DNAH17: variants seen among roughly 807,000 people sequenced by gnomAD.
The protein encoded by DNAH17 is dynein axonemal heavy chain 17.
Under a neutral mutation model 485.6 loss-of-function variants are expected in DNAH17, and 376 were observed. That is an observed-to-expected ratio of 0.77 (90% CI 0.71 to 0.84). The LOEUF is 0.84. Ranked by LOEUF, DNAH17 falls within the 40% of genes least tolerant of loss-of-function variation. DNAH17 has a pLI of 0.00. For synonymous variants in DNAH17, 3,031 were observed against 2,405.9 expected, an observed-to-expected ratio of 1.26 and a Z score of -7.60; for missense variants, 6,370 against 5,839.3, an observed-to-expected ratio of 1.09 and a Z score of -2.96.
intron 58 of DNAH17, among the ~76,000 whole-genome samples, chr17:78,460,978 G>A (rs636570): frequency 0.069 from 10,450 of 152,206 alleles, 491 homozygotes; most frequent in African/African-American, 0.13. Context: ...CCAGGGAGGG[G>A]TCATGAGAAG....
intron 26 of DNAH17, 62 bp from the exon 27 acceptor site, chr17:78,510,568 C>G: frequency 6.3e-7 from 1 of 1,590,408 alleles, no homozygotes. Context: ...AGTGGGCAGA[C>G]GTCATGATCC....
In DNAH17 at chr17:78,494,076, G is replaced by A; in HGVS notation, c.6368C>T (p.Ser2123Phe). 6.2e-7 allele frequency: 1 copy of A among 1,612,904 alleles called. No individual in the cohort carries two copies. Among genetic ancestry groups the A allele is most frequent in the Non-Finnish European group, 8.5e-7 (1 of 1,179,800 alleles). ...GCCCGCATTCCCGACGATGAACACGGAGTGGCGGACCTGCAGCAGCTCCTC... is the reference window on the plus strand; with the variant it reads ...GCCCGCATTCCCGACGATGAACACGAAGTGGCGGACCTGCAGCAGCTCCTC... ...QLEELLQVRH[S>F]VFIVGNAGSG... Residue 2123 changes from serine (S) to phenylalanine (F), a missense_variant, in exon 41 of 81, where the codon TCC becomes TTC. Ser to Phe is a radical substitution (Grantham distance 155, BLOSUM62 -2). Transcript: ENST00000389840.
chr17:78,571,154 AGGG>A, intron 5 of DNAH17, 121 bp from the exon 6 acceptor site: 1 of 1,269,082 alleles, frequency 7.9e-7, no homozygotes, highest in South Asian at 1.3e-5. Flanking sequence ...TCTCAAGTGG[AGGG>A]GGCTGAGAAA....
At chr17:78,562,458 C>T (rs1412143619) in intron 11 of DNAH17, among the ~76,000 whole-genome samples, 1 of 152,036 alleles carries the variant, frequency 6.6e-6, no homozygotes, top group Admixed American at 6.6e-5. Flanking sequence ...ATACATGAAA[C>T]TAGCGGGGTC....
Position 78,494,830 on chromosome 17 carries a change from G to C in DNAH17, c.6043-10C>G. 1 of 1,586,812 alleles carries C rather than the reference G, an allele frequency of 6.3e-7. No homozygotes were observed. The highest frequency in any genetic ancestry group is 8.6e-7 in the Non-Finnish European group (1 of 1,163,822). On this transcript the variant is annotated splice_polypyrimidine_tract_variant and intron_variant, in intron 39 of 80. Coordinates refer to ENST00000389840, the MANE Select transcript of DNAH17 (RefSeq NM_173628.4). ...CCCAGTCGTAATGATCCTGCGGGCAGTGGGCACAGGTGGGCAGACGTGAGC... is the reference window on the plus strand; with the variant it reads ...CCCAGTCGTAATGATCCTGCGGGCACTGGGCACAGGTGGGCAGACGTGAGC...
chr17:78,536,671 ACC>A (rs1250118026), intron 19 of DNAH17, among the ~76,000 whole-genome samples: 1 of 151,834 alleles, frequency 6.6e-6, no homozygotes, highest in East Asian at 1.9e-4. Flanking sequence ...ACAGAGTGAG[ACC>A]TTGTCTCAAA....
chr17:78,509,722 C>T (rs114236955), intron 27 of DNAH17, among the ~76,000 whole-genome samples: 1,787 of 152,126 alleles, frequency 0.012, 39 homozygotes, highest in African/African-American at 0.041. Context: ...CCGTCAGCTG[C>T]GGAGTCAGAA....
intron 63 of DNAH17, 143 bp downstream of exon 63, chr17:78,455,500 TA>T: frequency 1.7e-6 from 1 of 586,856 alleles, no homozygotes; most frequent in African/African-American, 1.9e-5. Flanking sequence ...AATTTTTTTT[TA>T]AATTTAATAG....
intron 52 of DNAH17, among the ~76,000 whole-genome samples, chr17:78,476,194 C>T (rs9913967): frequency 0.032 from 4,843 of 152,242 alleles, 236 homozygotes; most frequent in African/African-American, 0.1. Context: ...CTCAATTCCT[C>T]CTCACTCAGA....
At chr17:78,552,512 C>CTTTTTT (rs35637364) in intron 15 of DNAH17, among the ~76,000 whole-genome samples, 185 bp downstream of exon 15, 1 of 132,418 alleles carries the variant, frequency 7.6e-6, no homozygotes, top group South Asian at 2.4e-4. Context: ...CACAGATGGG[C>CTTTTTT]TTTTTTTTTT....
intron 76 of DNAH17, 82 bp downstream of exon 76, chr17:78,429,039 C>T (rs2146417622): frequency 2.8e-6 from 4 of 1,449,192 alleles, no homozygotes; most frequent in Non-Finnish European, 3.8e-6. Context: ...CAATTATTGA[C>T]ACTCCATTTG....
At chr17:78,576,597 G>A (rs955969476) in intron 1 of DNAH17, among the ~76,000 whole-genome samples, 5 of 152,180 alleles carry the variant, frequency 3.3e-5, no homozygotes, top group South Asian at 2.1e-4. Flanking sequence ...CCGGGGACGC[G>A]TCACGTCGTC....
At position 78,475,789 on chromosome 17, in the gene DNAH17, G is replaced by A. The variant is rs748490655; in HGVS notation, c.8199C>T (p.Cys2733=). The part of the protein sequence containing the change: ...ELLFAKPNIF[C]HFAQGIGDPK... ...GATCGCCAATCCCTTGAGCAAAGTG[G>A]CAGAAGATATTTGGCTTGGCAAATA... Residue 2733 remains cysteine, a synonymous_variant, in exon 53 of 81, where the codon TGC becomes TGT. Transcript: ENST00000389840. 1 of 1,613,926 alleles carries A rather than the reference G, an allele frequency of 6.2e-7. No homozygotes were observed. Among genetic ancestry groups the A allele is most frequent in the Non-Finnish European group, 8.5e-7 (1 of 1,179,880 alleles).
chr17:78,493,900 C>T (rs755426242), intron 41 of DNAH17, 136 bp downstream of exon 41: 1,408 of 1,296,562 alleles, frequency 1.1e-3, no homozygotes, highest in Non-Finnish European at 1.3e-3. Context: ...TGGCCCATGA[C>T]TCAGGCCGGA....
chr17:78,520,372 C>A (rs1312428693), intron 25 of DNAH17, among the ~76,000 whole-genome samples: 1 of 152,020 alleles, frequency 6.6e-6, no homozygotes, highest in Non-Finnish European at 1.5e-5. Flanking sequence ...CAGGCCACTG[C>A]AATAAGGCAA....
In DNAH17 at chr17:78,454,601, G is replaced by T; in HGVS notation, c.10275C>A (p.Ser3425=). 6.2e-7 allele frequency: 1 copy of T among 1,612,908 alleles called. No individual in the cohort carries two copies. The change falls in exon 64 of 81, where the codon TCC becomes TCA. Residue 3425 remains serine (S), a synonymous_variant. Transcript: ENST00000389840. ...NNQGLPSDRM[S]TENATILGNT... ...TGCCCAGGATGGTGGCATTCTCGGT[G>T]GACATGCGGTCGCTGGGGAGGCCCT...
chr17:78,542,118 C>T (rs1043945464), intron 17 of DNAH17, among the ~76,000 whole-genome samples: 50 of 5,874 alleles, frequency 8.5e-3, no homozygotes, highest in Non-Finnish European at 0.011. Context: ...CTGGAAACCG[C>T]CCCCCCCAAA....
intron 22 of DNAH17, among the ~76,000 whole-genome samples, chr17:78,529,127 G>C (rs1262882639): frequency 1.3e-5 from 2 of 152,116 alleles, no homozygotes; most frequent in Admixed American, 6.5e-5. Context: ...TTTTTGTAGA[G>C]ATGGGCTTTC....
chr17:78,458,851 T>C (rs896602589), intron 61 of DNAH17, 150 bp downstream of exon 61: 2 of 1,064,528 alleles, frequency 1.9e-6, no homozygotes, highest in Non-Finnish European at 1.4e-6. Flanking sequence ...CCCGGCACCA[T>C]CTGGCCCCTG....
Sources: gnomAD v4.1 joint callset for allele counts (sites outside exome capture counted in the v4.1 genomes callset) on GRCh38, gnomAD v4.1.1 for gene constraint, MANE v1.5 for transcripts, NCBI Gene and HGNC (gene_info 2026-07-23, HGNC 2026-07-21) for gene names.